Variants in PKD1L3 observed in about 807,000 individuals in gnomAD.
The protein encoded by PKD1L3 is polycystin-1-like protein 3.
In PKD1L3, 239 loss-of-function variants were observed where a neutral mutation model predicts 184.1. That is an observed-to-expected ratio of 1.30 (90% CI 1.17 to 1.45). The LOEUF (loss-of-function observed/expected upper bound fraction) is 1.45. Among genes scored for constraint, PKD1L3 ranks in the 40% most tolerant of loss-of-function variants. The pLI is 0.00. For synonymous variants in PKD1L3, 996 were observed against 778.8 expected, an observed-to-expected ratio of 1.28 and a Z score of -4.64; for missense variants, 2,660 against 2,067.2, an observed-to-expected ratio of 1.29 and a Z score of -5.56.
chr16:71,977,140 C>T (rs914026058), intron 11 of PKD1L3, 96 bp downstream of exon 11: 35 of 926,892 alleles, frequency 3.8e-5, no homozygotes, highest in South Asian at 3.5e-4. Context: ...CTGAGCCTGA[C>T]AGTTTGAGGC....
rs1026691020 is a variant in PKD1L3, at chr16:71,947,698, G to T, written c.3619-107C>A. The T allele has an allele frequency of 7.0e-6, 5 of 710,142 alleles. No individual in the cohort carries two copies. In the South Asian group the frequency reaches 9.6e-5, roughly 14 times the overall value. The allele number at this position is 710,142 out of a possible 1,614,324, so 44.0% of individuals were successfully genotyped here. A position where few individuals can be genotyped will look rare whatever the true frequency, so the allele number is the denominator to read the frequency against. On this transcript the variant is annotated intron_variant, in intron 21 of 29. Transcript: ENST00000620267. ...CACTCATGAAAAACTTCAATTATTT[G>T]GCTCTTCATTTTAATGAAAAACTAA...
chr16:71,937,890 A>G (rs1184580344), intron 24 of PKD1L3, among the ~76,000 whole-genome samples: 1 of 152,240 alleles, frequency 6.6e-6, no homozygotes, highest in African/African-American at 2.4e-5. Flanking sequence ...TGTGAATACA[A>G]ACCTTTCACA....
In PKD1L3 at chr16:71,949,821, A is replaced by G. The variant is rs1172536937; in HGVS notation, c.3580T>C (p.Ser1194Pro). ...CTGATGAAGATGTTCTGAAGCACTG[A>G]TAAAATAATTGAAATCATCCAGCTG... Reference protein sequence around the residue: ...ATSWMISIILSVLQNIFISQP... With the variant: ...ATSWMISIILPVLQNIFISQP... The change falls in exon 21 of 30, where the codon TCA becomes CCA. Residue 1194 changes from serine (S) to proline (P), a missense_variant. Physicochemically the swap from Ser to Pro is moderately conservative, Grantham distance 74. Transcript: ENST00000620267. 2.6e-6 allele frequency: 4 copies of G among 1,551,250 alleles called. No individual in the cohort carries two copies. In the African/African-American group the frequency reaches 4.1e-5, roughly 16 times the overall value.
chr16:71,951,789 A>G (rs374037510), intron 18 of PKD1L3, 45 bp from the exon 19 acceptor site: 380 of 1,506,994 alleles, frequency 2.5e-4, no homozygotes, highest in Non-Finnish European at 3.1e-4. Flanking sequence ...TTTTTCATTA[A>G]CCCAGGATTT....
At chr16:71,947,813 T>C (rs2038677194) in intron 21 of PKD1L3, among the ~76,000 whole-genome samples, 1 of 152,238 alleles carries the variant, frequency 6.6e-6, no homozygotes, top group African/African-American at 2.4e-5. Flanking sequence ...TTGCTTATAG[T>C]TCTTAATCTG....
At chr16:71,978,027 G>A (rs1359595167) in intron 10 of PKD1L3, among the ~76,000 whole-genome samples, 1 of 152,042 alleles carries the variant, frequency 6.6e-6, no homozygotes, top group African/African-American at 2.4e-5. Flanking sequence ...GCCTGCCTCA[G>A]CCTCCCAAAG....
Position 71,942,850 on chromosome 16 carries a change from C to T in PKD1L3, c.4034G>A (p.Gly1345Glu), listed in dbSNP as rs1408723633. The T allele has an allele frequency of 1.3e-6, 2 of 1,551,582 alleles. No homozygotes were observed. The highest frequency in any genetic ancestry group is 1.7e-6 in the Non-Finnish European group (2 of 1,146,972). Residue 1345 changes from glycine to glutamate, a missense_variant, in exon 24 of 30, where the codon GGG becomes GAG. Transcript: ENST00000620267. ...ANHILLPSLY[G>E]DYRGKNAVLE... ...GACTGCATTCTTACCTCTGTAATCC[C>T]CATACAGGCTAGGAAGAAGGATATG...
chr16:71,931,648 G>A (rs1414270261), intron 28 of PKD1L3, among the ~76,000 whole-genome samples: 1 of 151,690 alleles, frequency 6.6e-6, no homozygotes, highest in Non-Finnish European at 1.5e-5. Context: ...TATTTTAGTA[G>A]AGACGGGATT....
rs1190318277 is a variant in PKD1L3 at position 71,986,368 on chromosome 16, G to A, written c.687C>T (p.Leu229=). The A allele has an allele frequency of 1.3e-6, 2 of 1,551,284 alleles. No individual in the cohort carries two copies. The highest frequency in any genetic ancestry group is 2.7e-5 in the African/African-American group (2 of 73,038). Residue 229 remains leucine (L), a synonymous_variant, in exon 5 of 30, where the codon CTC becomes CTT. Transcript: ENST00000620267. ...GCATGGTGAGCTGTGTTATCACAGG[G>A]AGAGGCTGGCTGCTGGGTTCAGATG... ...SAASEPSSQP[L]PVITQLTMPV...
At position 71,998,373 on chromosome 16, in the gene PKD1L3, G is replaced by C; in HGVS notation, c.317C>G (p.Pro106Arg). The C allele has an allele frequency of 1.3e-6, 2 of 1,551,614 alleles. No individual in the cohort carries two copies. Among genetic ancestry groups the C allele is most frequent in the Non-Finnish European group, 1.7e-6 (2 of 1,147,000 alleles). Reference sequence around the variant, plus strand: ...GTAGGTGCAGCTGAGGGGCTTTGGGGGCCCGTTGGCTGCAACGTCTGCTGA... The same window carrying C: ...GTAGGTGCAGCTGAGGGGCTTTGGGCGCCCGTTGGCTGCAACGTCTGCTGA... The part of the protein sequence containing the change: ...KYPADVAANG[P>R]PKPLSCTYLS... The change falls in exon 2 of 30, where the codon CCC becomes CGC. Residue 106 changes from proline (P) to arginine (R), a missense_variant. By Grantham distance (103) the Pro-to-Arg change is moderately radical. Coordinates refer to ENST00000620267, the MANE Select transcript of PKD1L3 (RefSeq NM_181536.2).
At chr16:71,930,216 G>T in intron 28 of PKD1L3, 33 bp from the exon 29 acceptor site, 1 of 1,517,892 alleles carries the variant, frequency 6.6e-7, no homozygotes, top group South Asian at 1.2e-5. Flanking sequence ...TGCAGTGACT[G>T]ACAATTTAGT....
At chr16:71,939,687 GAGA>G (rs1406600530) in intron 24 of PKD1L3, among the ~76,000 whole-genome samples, 1 of 152,132 alleles carries the variant, frequency 6.6e-6, no homozygotes, top group Non-Finnish European at 1.5e-5. Context: ...GCAGGTCTGA[GAGA>G]AGAATTCTTG....
chr16:71,969,901 T>G lies in PKD1L3; in HGVS notation c.2158A>C (p.Lys720Gln), dbSNP rs765531139. Residue 720 changes from lysine (K) to glutamine (Q), a missense_variant, in exon 13 of 30, where the codon AAA (lysine) becomes CAA (glutamine). Lys to Gln is a moderately conservative substitution (Grantham distance 53). Transcript: ENST00000620267. ...TTCTGCATATCTGCTTGATCCTTTT[T>G]CCGAGCCCACACAACTGTGATCACA... is the stretch of plus-strand genomic sequence containing the variant. Reference protein sequence around the residue: ...FYVITVVWARKKDQADMQKVK... With the variant: ...FYVITVVWARQKDQADMQKVK... The G allele has an allele frequency of 3.9e-6, 6 of 1,550,482 alleles. No homozygotes were observed. In the South Asian group the frequency reaches 7.1e-5, roughly 18 times the overall value.
At chr16:71,973,642 T>TA in intron 11 of PKD1L3, 125 bp from the exon 12 acceptor site, 1 of 916,116 alleles carries the variant, frequency 1.1e-6, no homozygotes, top group South Asian at 1.8e-5. Context: ...GAGTCACAAA[T>TA]GATTTGAAAG....
chr16:71,958,183 C>A (rs955784964), intron 16 of PKD1L3, among the ~76,000 whole-genome samples: 1 of 150,368 alleles, frequency 6.7e-6, no homozygotes, highest in South Asian at 2.1e-4. Context: ...GTCAGGAGAT[C>A]GAGACCATCC....
Position 71,946,994 on chromosome 16 carries a change from C to T in PKD1L3, c.3718+498G>A, listed in dbSNP as rs139740479. On this transcript the variant is annotated intron_variant, in intron 22 of 29. Transcript: ENST00000620267. ...AGGGGAGTCCGGGGGCGGTGGCTCA[C>T]GCCTGTAATCCCAGCACTTGGGAGG... 5.7e-3 allele frequency among the ~76,000 whole-genome samples: 867 copies of T among 151,272 alleles called. 11 individuals carry two copies. The highest frequency in any genetic ancestry group is 0.019 in the African/African-American group (781 of 41,146).
intron 2 of PKD1L3, among the ~76,000 whole-genome samples, chr16:71,993,612 G>C (rs1368996054): frequency 2.0e-5 from 3 of 152,110 alleles, no homozygotes; most frequent in African/African-American, 7.2e-5. Context: ...TAGGCATGTG[G>C]AGTTATTTAC....
chr16:71,965,208 A>ATGAT (rs1330814536), intron 15 of PKD1L3, among the ~76,000 whole-genome samples: 2 of 152,166 alleles, frequency 1.3e-5, no homozygotes, highest in Admixed American at 1.3e-4. Flanking sequence ...TCATCCACGT[A>ATGAT]GTCATATGTA....
chr16:71,980,979 A>G (rs956451208), intron 7 of PKD1L3, among the ~76,000 whole-genome samples: 9 of 152,182 alleles, frequency 5.9e-5, no homozygotes, highest in African/African-American at 2.2e-4. Flanking sequence ...GAATCACAAC[A>G]TACAGTCTTT....
Sources: gnomAD v4.1 joint callset for allele counts (sites outside exome capture counted in the v4.1 genomes callset) on GRCh38, gnomAD v4.1.1 for gene constraint, MANE v1.5 for transcripts, NCBI Gene and HGNC (gene_info 2026-07-23, HGNC 2026-07-21) for gene names.